SRD5A2: variants seen among roughly 807,000 people sequenced by gnomAD.
The protein encoded by SRD5A2 is 3-oxo-5-alpha-steroid 4-dehydrogenase 2.
In SRD5A2, 30 loss-of-function variants were observed where a neutral mutation model predicts 27.4. The observed-to-expected ratio is 1.10, with a 90% CI of 0.82 to 1.49. The LOEUF (loss-of-function observed/expected upper bound fraction) is 1.49. Among genes scored for constraint, SRD5A2 ranks in the 40% most tolerant of loss-of-function variants. The pLI, the probability that SRD5A2 is intolerant of heterozygous loss-of-function variation, is 0.00. For missense variants in SRD5A2, 348 were observed against 323.4 expected (o/e 1.08, Z -0.58); for synonymous variants, 141 against 133.6 (o/e 1.06, Z -0.38).
Position 31,533,690 on chromosome 2 carries a change from TG to T in SRD5A2, c.357del (p.Cys119Ter), listed in dbSNP as rs2148066893. 6.3e-7 allele frequency: 1 copy of T among 1,585,752 alleles called. No homozygotes were observed. The highest frequency in any genetic ancestry group is 1.2e-5 in the South Asian group (1 of 86,232). ...AILILRGTAF[C>X]TGNGVLQGYY... is the part of the protein sequence containing the mutation. Reference sequence around the variant, plus strand: ...TAGCCTTGAAGGACTCCATTTCCAGTGCAGAAGGCAGTGCCTCTGAGAATGA... The same window carrying T: ...TAGCCTTGAAGGACTCCATTTCCAGTCAGAAGGCAGTGCCTCTGAGAATGA... On this transcript the variant is annotated frameshift_variant, in exon 2 of 5. Coordinates refer to ENST00000622030, the MANE Select transcript of SRD5A2 (RefSeq NM_000348.4). LOFTEE classifies it high-confidence loss of function.
intron 1 of SRD5A2, among the ~76,000 whole-genome samples, chr2:31,568,343 G>C (rs993448469): frequency 2.0e-5 from 3 of 152,156 alleles, no homozygotes. Context: ...TTCTTGTCCC[G>C]TGTCCGGGAA....
intron 1 of SRD5A2, among the ~76,000 whole-genome samples, chr2:31,564,033 C>T (rs529429007): frequency 9.9e-5 from 15 of 151,782 alleles, no homozygotes; most frequent in Non-Finnish European, 2.1e-4. Flanking sequence ...ATTTTCTGAC[C>T]CTCCAATCAA....
chr2:31,614,948 G>A, the SRD5A2 span, among the ~76,000 whole-genome samples: 1 of 152,076 alleles, frequency 6.6e-6, no homozygotes, highest in East Asian at 1.9e-4. Context: ...TAGTGAATAA[G>A]TCTCATGAGG....
At chr2:31,653,366 A>C in the SRD5A2 span, among the ~76,000 whole-genome samples, 1 of 152,146 alleles carries the variant, frequency 6.6e-6, no homozygotes. Context: ...GCTCATTTAC[A>C]CCTTAAGGTT....
chr2:31,528,452 T>C (rs1379958828), intron 4 of SRD5A2, among the ~76,000 whole-genome samples: 1 of 152,168 alleles, frequency 6.6e-6, no homozygotes, highest in Non-Finnish European at 1.5e-5. Context: ...TTCCCAGTGG[T>C]TCTCTAGCCT....
rs1335135239 is a variant in SRD5A2, at chr2:31,523,804, T to C, written c.*2392A>G. On this transcript the variant is annotated 3_prime_UTR_variant, in exon 5 of 5. Coordinates refer to ENST00000622030, the MANE Select transcript of SRD5A2 (RefSeq NM_000348.4). ...GATGAGCACATGTTCAGACCTTTACTGTATTTAATCCACATACATATCCTA... is the reference window on the plus strand; with the variant it reads ...GATGAGCACATGTTCAGACCTTTACCGTATTTAATCCACATACATATCCTA... 2 of 220,554 alleles carry C rather than the reference T, an allele frequency of 9.1e-6. No homozygotes were observed. The highest frequency in any genetic ancestry group is 1.8e-5 in the Non-Finnish European group (2 of 110,132). 13.7% of individuals were successfully genotyped at this position (220,554 alleles called of 1,614,324 possible).
chr2:31,531,507 T>A (rs530692159), intron 2 of SRD5A2, 35 bp from the exon 3 acceptor site: 12 of 1,376,504 alleles, frequency 8.7e-6, no homozygotes, highest in South Asian at 7.6e-5. Context: ...AAATTTTTTT[T>A]AAATGTGTCC....
chr2:31,555,289 T>C (rs1456521133), intron 1 of SRD5A2, among the ~76,000 whole-genome samples: 1 of 152,106 alleles, frequency 6.6e-6, no homozygotes, highest in Non-Finnish European at 1.5e-5. Flanking sequence ...TCCCTTCTGA[T>C]GGTACCTACA....
chr2:31,529,206 A>G lies in SRD5A2; in HGVS notation c.698+101T>C, dbSNP rs929579039. ...TATAGTATCAACCTTCCCTTAAAAA[A>G]TTAAATATCTTCGGTTTCTCAATCT... On this transcript the variant is annotated intron_variant, in intron 4 of 4. Coordinates refer to ENST00000622030, the MANE Select transcript of SRD5A2 (RefSeq NM_000348.4). The G allele has an allele frequency of 8.7e-6, 13 of 1,486,402 alleles. No homozygotes were observed. The Admixed American group carries it at 2.4e-4, about 27-fold the overall frequency. 92.1% of individuals were successfully genotyped at this position (1,486,402 alleles called of 1,614,324 possible).
At chr2:31,648,719 C>T in the SRD5A2 span, among the ~76,000 whole-genome samples, 1 of 152,218 alleles carries the variant, frequency 6.6e-6, no homozygotes, top group Non-Finnish European at 1.5e-5. Context: ...CCAGTTTGAG[C>T]ATCTATGAAC....
the SRD5A2 span, among the ~76,000 whole-genome samples, chr2:31,639,868 A>G: frequency 3.3e-5 from 5 of 152,042 alleles, no homozygotes; most frequent in Admixed American, 3.3e-4. Context: ...AGATCTTCCT[A>G]TACATTGATA....
the SRD5A2 span, among the ~76,000 whole-genome samples, chr2:31,657,038 A>G: frequency 2.0e-5 from 3 of 152,224 alleles, no homozygotes; most frequent in Non-Finnish European, 4.4e-5. Context: ...AAAAGTAAAT[A>G]CAAACCAGGA....
intron 1 of SRD5A2, among the ~76,000 whole-genome samples, chr2:31,541,563 A>G (rs1470599894): frequency 7.4e-5 from 1 of 13,440 alleles, no homozygotes; most frequent in African/African-American, 3.2e-4. Flanking sequence ...CCACTGCAGA[A>G]GACCTATTTA....
chr2:31,581,164 C>T (rs1667075892), upstream of SRD5A2: 3 of 505,906 alleles, frequency 5.9e-6, no homozygotes, highest in Non-Finnish European at 1.0e-5. Context: ...CATTCACCTC[C>T]CGCTTAGGCT....
At chr2:31,567,255 A>C (rs1399505057) in intron 1 of SRD5A2, among the ~76,000 whole-genome samples, 3 of 152,170 alleles carry the variant, frequency 2.0e-5, no homozygotes, top group Non-Finnish European at 4.4e-5. Context: ...AAAAAAGTGA[A>C]ACAGCTTATC....
intron 1 of SRD5A2, among the ~76,000 whole-genome samples, chr2:31,567,570 C>A (rs1666759326): frequency 6.6e-6 from 1 of 151,588 alleles, no homozygotes; most frequent in Non-Finnish European, 1.5e-5. Flanking sequence ...TTCTTCATAC[C>A]CTTTGTAGTT....
chr2:31,535,023 A>ATT (rs397775368), intron 1 of SRD5A2, among the ~76,000 whole-genome samples: 5,608 of 143,310 alleles, frequency 0.039, 339 homozygotes, highest in African/African-American at 0.13. Flanking sequence ...GTGTGAGTCA[A>ATT]TTTTTTTTTT....
intron 1 of SRD5A2, among the ~76,000 whole-genome samples, chr2:31,543,158 T>C (rs188375625): frequency 8.6e-4 from 131 of 152,240 alleles, no homozygotes; most frequent in African/African-American, 3.1e-3. Context: ...ATTTTCAAAG[T>C]GCTAATATAA....
the SRD5A2 span, among the ~76,000 whole-genome samples, chr2:31,590,169 G>A: frequency 4.1e-5 from 2 of 49,156 alleles, no homozygotes; most frequent in South Asian, 7.1e-4. Context: ...CCCACCCTGC[G>A]CTCAATGGTT....
Sources: gnomAD v4.1 joint callset for allele counts (sites outside exome capture counted in the v4.1 genomes callset) on GRCh38, gnomAD v4.1.1 for gene constraint, MANE v1.5 for transcripts, NCBI Gene and HGNC (gene_info 2026-07-23, HGNC 2026-07-21) for gene names.